The following CNTNAP2 variants were observed in gnomAD, a reference collection of about 807,000 sequenced individuals.
CNTNAP2 encodes the protein contactin associated protein 2.
Under a neutral mutation model 155.2 loss-of-function variants are expected in CNTNAP2, and 98 were observed. The observed-to-expected ratio is 0.63, with a 90% CI of 0.54 to 0.75. The LOEUF is 0.75. Among genes scored for constraint, CNTNAP2 ranks in the 30% least tolerant of loss-of-function variants. The pLI is 0.00. For missense variants in CNTNAP2, 1,727 were observed against 1,688.1 expected, an observed-to-expected ratio of 1.02 and a Z score of -0.40; for synonymous variants, 651 against 631.2, an observed-to-expected ratio of 1.03 and a Z score of -0.47.
intron 1 of CNTNAP2, among the ~76,000 whole-genome samples, chr7:146,236,107 C>A (rs1308479883): frequency 6.6e-6 from 1 of 151,946 alleles, no homozygotes; most frequent in Non-Finnish European, 1.5e-5. Context: ...ATGATGGGTG[C>A]CTAACACCAC....
intron 13 of CNTNAP2, among the ~76,000 whole-genome samples, chr7:147,773,142 A>G (rs1797501171): frequency 6.6e-6 from 1 of 152,194 alleles, no homozygotes; most frequent in Non-Finnish European, 1.5e-5. Context: ...TTTAGCTATA[A>G]CTAAAGGACT....
intron 13 of CNTNAP2, among the ~76,000 whole-genome samples, chr7:147,850,738 G>T (rs1376464647): frequency 6.6e-6 from 1 of 152,148 alleles, no homozygotes. Flanking sequence ...GCTGAAACTG[G>T]ATCCCTTCCT....
intron 15 of CNTNAP2, among the ~76,000 whole-genome samples, chr7:148,099,470 G>A (rs866631948): frequency 8.9e-5 from 12 of 134,826 alleles, no homozygotes; most frequent in South Asian, 4.4e-4. Flanking sequence ...TTGGATATGG[G>A]CAGTTGTAGT....
chr7:147,391,808 C>G (rs1288554879), intron 9 of CNTNAP2, among the ~76,000 whole-genome samples: 1 of 151,982 alleles, frequency 6.6e-6, no homozygotes, highest in East Asian at 1.9e-4. Flanking sequence ...ATCCTTAGAT[C>G]ATGTTTTCCT....
intron 9 of CNTNAP2, among the ~76,000 whole-genome samples, chr7:147,329,255 A>G (rs1189599543): frequency 6.6e-6 from 1 of 152,094 alleles, no homozygotes; most frequent in Non-Finnish European, 1.5e-5. Flanking sequence ...AGGTGGGTGA[A>G]CCATCTTTTA....
At chr7:148,243,797 A>G (rs1252631250) in intron 20 of CNTNAP2, among the ~76,000 whole-genome samples, 1 of 152,148 alleles carries the variant, frequency 6.6e-6, no homozygotes, top group Admixed American at 6.5e-5. Context: ...AGACAAAAAA[A>G]AAAGAAAAAA....
intron 22 of CNTNAP2, 77 bp from the exon 23 acceptor site, chr7:148,409,314 A>T (rs1799772196): frequency 3.5e-6 from 4 of 1,131,110 alleles, no homozygotes; most frequent in Non-Finnish European, 5.4e-6. Flanking sequence ...GAAGAGTTGC[A>T]TGAAGAAATA....
intron 11 of CNTNAP2, among the ~76,000 whole-genome samples, chr7:147,525,657 G>C (rs1007952017): frequency 6.6e-6 from 1 of 152,144 alleles, no homozygotes; most frequent in African/African-American, 2.4e-5. Context: ...TGATTTAATG[G>C]ATTTAATGGG....
chr7:147,495,747 A>G (rs1308411558), intron 11 of CNTNAP2, among the ~76,000 whole-genome samples: 2 of 152,154 alleles, frequency 1.3e-5, no homozygotes, highest in Admixed American at 1.3e-4. Flanking sequence ...TTCATAAGTC[A>G]TTTTTTTAAA....
intron 12 of CNTNAP2, among the ~76,000 whole-genome samples, chr7:147,634,542 C>CTTATGTA (rs1177728218): frequency 4.6e-5 from 7 of 151,912 alleles, no homozygotes; most frequent in Non-Finnish European, 1.0e-4. Context: ...CAGAAATCAC[C>CTTATGTA]ACTAAAGAAC....
At chr7:146,692,884 T>A (rs1256049816) in intron 1 of CNTNAP2, among the ~76,000 whole-genome samples, 1 of 152,088 alleles carries the variant, frequency 6.6e-6, no homozygotes, top group Non-Finnish European at 1.5e-5. Context: ...CAAAATGTCA[T>A]CCATTTTTTC....
chr7:147,107,862 A>C (rs538179499), intron 4 of CNTNAP2, among the ~76,000 whole-genome samples: 1 of 152,270 alleles, frequency 6.6e-6, no homozygotes, highest in African/African-American at 2.4e-5. Context: ...TTCTAAGTTA[A>C]GATTTGAAGC....
chr7:146,618,173 G>T (rs970587007), intron 1 of CNTNAP2, among the ~76,000 whole-genome samples: 1 of 152,060 alleles, frequency 6.6e-6, no homozygotes, highest in Admixed American at 6.5e-5. Context: ...TTACTTTATG[G>T]GCTACAGCTC....
At chr7:147,536,885 C>A (rs528916560) in intron 11 of CNTNAP2, among the ~76,000 whole-genome samples, 1 of 152,098 alleles carries the variant, frequency 6.6e-6, no homozygotes, top group African/African-American at 2.4e-5. Flanking sequence ...GGCCGTAAAG[C>A]CTCCCCTCTC....
At chr7:146,664,249 C>T (rs1800148396) in intron 1 of CNTNAP2, among the ~76,000 whole-genome samples, 1 of 150,092 alleles carries the variant, frequency 6.7e-6, no homozygotes, top group African/African-American at 2.5e-5. Flanking sequence ...GCAACCTCCG[C>T]CTCCGGAGTT....
At chr7:146,388,562 A>G (rs182350973) in intron 1 of CNTNAP2, among the ~76,000 whole-genome samples, 40 of 152,306 alleles carry the variant, frequency 2.6e-4, no homozygotes, top group African/African-American at 8.9e-4. Context: ...ATCATGGGGA[A>G]TGGGGGATCC....
intron 21 of CNTNAP2, among the ~76,000 whole-genome samples, chr7:148,336,543 T>TGAAAAA (rs200677336): frequency 0.66 from 73,592 of 110,992 alleles, 18,962 homozygotes; most frequent in East Asian, 0.74. Context: ...GTTTGGTTGA[T>TGAAAAA]GAAAAAGAAA....
chr7:147,307,364 C>G (rs371496783), intron 9 of CNTNAP2, among the ~76,000 whole-genome samples: 1 of 152,000 alleles, frequency 6.6e-6, no homozygotes, highest in South Asian at 2.1e-4. Flanking sequence ...GCGGGCAGAT[C>G]ACCTGAGGTC....
chr7:146,839,441 A>T (rs1341376347), intron 2 of CNTNAP2, among the ~76,000 whole-genome samples: 1 of 152,164 alleles, frequency 6.6e-6, no homozygotes, highest in East Asian at 1.9e-4. Context: ...TTTGACATGT[A>T]CTAATAAGAT....
Sources: allele counts gnomAD v4.1 joint callset (sites outside exome capture counted in the v4.1 genomes callset), GRCh38; gene constraint gnomAD v4.1.1; transcripts MANE v1.5; gene names NCBI Gene and HGNC (gene_info 2026-07-23, HGNC 2026-07-21).